CCDC171: variants seen among roughly 807,000 people sequenced by gnomAD.
CCDC171 encodes the protein coiled-coil domain containing 171, also known as coiled-coil domain-containing protein 171.
Under a neutral mutation model 168.2 loss-of-function variants are expected in CCDC171, and 177 were observed. That is an observed-to-expected ratio of 1.05 (90% CI 0.93 to 1.19). The LOEUF is 1.19. Among genes scored for constraint, CCDC171 ranks in the 50% most tolerant of loss-of-function variants. CCDC171 has a pLI of 0.00. For missense variants in CCDC171, 1,991 were observed against 1,539.0 expected (o/e 1.29, Z -4.91); for synonymous variants, 687 against 540.8 (o/e 1.27, Z -3.75).
rs551736461 is a variant in CCDC171, at chr9:15,653,368, C to T, written c.823-3759C>T. On this transcript the variant is annotated intron_variant, in intron 7 of 25. Coordinates refer to ENST00000380701, the MANE Select transcript of CCDC171 (RefSeq NM_173550.4). ...TGTTGCCCAGGCTGGCCTTGGACTC[C>T]TGGGCTCAAGTGATCTCCCTGAGTT... Among the ~76,000 whole-genome samples, 13 of 151,652 alleles carry T rather than the reference C, an allele frequency of 8.6e-5. No individual in the cohort carries two copies. In the South Asian group the frequency reaches 2.7e-3, roughly 32 times the overall value.
chr9:16,021,179 C>T lies in CCDC171; in HGVS notation n.574+385C>T, dbSNP rs958751861. On this transcript the variant is annotated intron_variant and non_coding_transcript_variant, in intron 4 of 9. Transcript: ENST00000486641. Reference sequence around the variant, plus strand: ...CTCGGCGCACTGCAACCTCCGCCTCCGGGGTTCAGGTGACTCTCCTGCCTC... The same window carrying T: ...CTCGGCGCACTGCAACCTCCGCCTCTGGGGTTCAGGTGACTCTCCTGCCTC... Among the ~76,000 whole-genome samples the T allele has an allele frequency of 4.6e-5, 7 of 152,310 alleles. 1 individual carries two copies. In the Middle Eastern group the frequency reaches 0.014, roughly 296 times the overall value.
intron 7 of CCDC171, among the ~76,000 whole-genome samples, chr9:15,655,639 A>T (rs1176074831): frequency 1.3e-5 from 2 of 152,220 alleles, no homozygotes; most frequent in Non-Finnish European, 2.9e-5. Context: ...ACTGGGAGAA[A>T]ACATTTGCAA....
chr9:15,600,576 G>A (rs918788574), intron 6 of CCDC171, among the ~76,000 whole-genome samples: 4 of 151,938 alleles, frequency 2.6e-5, no homozygotes, highest in East Asian at 1.9e-4. Flanking sequence ...TAGGCTACTC[G>A]GGGGTCCGGG....
chr9:15,651,772 A>G (rs1345230340), intron 7 of CCDC171, among the ~76,000 whole-genome samples: 1 of 152,184 alleles, frequency 6.6e-6, no homozygotes, highest in Admixed American at 6.5e-5. Flanking sequence ...TAGGTTGATT[A>G]CATACCTTTG....
rs2059556407 is a variant in CCDC171, at chr9:15,816,200, T to C, written c.3268-30502T>C. 2.5e-5 allele frequency among the ~76,000 whole-genome samples: 3 copies of C among 118,246 alleles called. 1 individual carries two copies. The highest frequency in any genetic ancestry group is 5.4e-4 in the South Asian group (2 of 3,700). The allele number at this position is 118,246 out of a possible 152,430, so 77.6% of individuals were successfully genotyped here. A position where few individuals can be genotyped will look rare whatever the true frequency, so the allele number is the denominator to read the frequency against. On this transcript the variant is annotated intron_variant, in intron 21 of 25. Transcript: ENST00000380701. ...TCCTCAATGAGTCATAATTTGAAAT[T>C]AGAGTTTTTTTGAGTACTAACCTTT...
chr9:15,903,811 C>T (rs1444990559), intron 24 of CCDC171, among the ~76,000 whole-genome samples: 1 of 152,130 alleles, frequency 6.6e-6, no homozygotes, highest in Non-Finnish European at 1.5e-5. Context: ...CTAGAATAAC[C>T]AATGCAGAGG....
intron 23 of CCDC171, among the ~76,000 whole-genome samples, chr9:15,853,015 A>T (rs1223274912): frequency 1.3e-5 from 2 of 151,644 alleles, no homozygotes; most frequent in Admixed American, 1.3e-4. Flanking sequence ...AAATTGAGAA[A>T]TGTGAGATTT....
chr9:16,086,655 G>GA, the CCDC171 span, among the ~76,000 whole-genome samples: 2 of 151,832 alleles, frequency 1.3e-5, no homozygotes, highest in African/African-American at 4.8e-5. Flanking sequence ...AATATTTTAA[G>GA]AAAAAACAGC....
chr9:15,865,265 A>G (rs1013254906), intron 23 of CCDC171, among the ~76,000 whole-genome samples: 5 of 152,082 alleles, frequency 3.3e-5, no homozygotes, highest in African/African-American at 9.7e-5. Context: ...TAAATTCTAC[A>G]TATACATTTT....
intron 18 of CCDC171, chr9:15,776,423 C>T (rs1355718982): frequency 2.0e-5 from 3 of 152,002 alleles, no homozygotes; most frequent in Admixed American, 6.6e-5. Flanking sequence ...CTTATATTAC[C>T]GTATATTTAT....
chr9:15,564,326 G>A (rs1200424801), intron 2 of CCDC171, among the ~76,000 whole-genome samples, 197 bp downstream of exon 2: 1 of 152,194 alleles, frequency 6.6e-6, no homozygotes, highest in Non-Finnish European at 1.5e-5. Context: ...GGGATTTTGT[G>A]CTCCTCTGTT....
At chr9:15,662,656 T>G (rs1210020510) in intron 8 of CCDC171, among the ~76,000 whole-genome samples, 1 of 152,132 alleles carries the variant, frequency 6.6e-6, no homozygotes, top group African/African-American at 2.4e-5. Context: ...CTGGCATATA[T>G]TAAGTACTTA....
At chr9:15,994,770 C>G (rs746324812) in intron 3 of CCDC171, among the ~76,000 whole-genome samples, 1 of 152,178 alleles carries the variant, frequency 6.6e-6, no homozygotes, top group African/African-American at 2.4e-5. Context: ...TGATTCTGAA[C>G]TATTTTGGCT....
At chr9:16,022,998 G>C (rs1293938885) in intron 6 of CCDC171, 2 of 152,182 alleles carry the variant, frequency 1.3e-5, no homozygotes, top group East Asian at 1.9e-4. Context: ...TCCTGATTCA[G>C]TGTTTCCCAA....
chr9:15,829,228 A>G (rs865917439), intron 21 of CCDC171, among the ~76,000 whole-genome samples: 2 of 152,172 alleles, frequency 1.3e-5, no homozygotes, highest in African/African-American at 2.4e-5. Context: ...ATTTCAATCT[A>G]TTGGCTCTTT....
rs1564329712 is a variant in CCDC171, at chr9:15,744,615, A to G, written c.2392A>G (p.Ile798Val). 1 of 1,614,192 alleles carries G rather than the reference A, an allele frequency of 6.2e-7. No homozygotes were observed. Among genetic ancestry groups the G allele is most frequent in the East Asian group, 2.2e-5 (1 of 44,882 alleles). The change falls in exon 17 of 26, where the codon ATA becomes GTA. Residue 798 changes from isoleucine to valine, a missense_variant. Ile to Val is a conservative substitution (Grantham distance 29). Coordinates refer to ENST00000380701, the MANE Select transcript of CCDC171 (RefSeq NM_173550.4). Reference protein sequence around the residue: ...KMKKKTFKGLIRIFRKGVIAV... With the variant: ...KMKKKTFKGLVRIFRKGVIAV... ...GAAAAAGAAAACATTCAAAGGATTG[A>G]TACGTATATTTCGGAAAGGTGTTAT...
chr9:15,984,432 G>A (rs922929986), intron 3 of CCDC171, among the ~76,000 whole-genome samples: 2 of 115,216 alleles, frequency 1.7e-5, no homozygotes, highest in Non-Finnish European at 3.5e-5. Context: ...ATATATATGT[G>A]TGTGTGTATA....
intron 9 of CCDC171, among the ~76,000 whole-genome samples, chr9:15,668,958 C>T (rs746473922): frequency 6.6e-6 from 1 of 152,026 alleles, no homozygotes; most frequent in South Asian, 2.1e-4. Flanking sequence ...ATACCTTTAA[C>T]TTACAACTTT....
At chr9:15,861,469 G>A (rs973929108) in intron 23 of CCDC171, among the ~76,000 whole-genome samples, 3 of 151,246 alleles carry the variant, frequency 2.0e-5, no homozygotes, top group African/African-American at 4.9e-5. Context: ...TTTGTGTTTC[G>A]TTGATTTTTT....
Sources: gnomAD v4.1 joint callset for allele counts (sites outside exome capture counted in the v4.1 genomes callset) on GRCh38, gnomAD v4.1.1 for gene constraint, MANE v1.5 for transcripts, NCBI Gene and HGNC (gene_info 2026-07-23, HGNC 2026-07-21) for gene names.